The following SIRT1 variants were observed in gnomAD, a reference collection of about 807,000 sequenced individuals.
The protein encoded by SIRT1 is sirtuin 1.
Under a neutral mutation model 67.9 loss-of-function variants are expected in SIRT1, and 24 were observed. That is an observed-to-expected ratio of 0.35 (90% CI 0.26 to 0.50). SIRT1 has a LOEUF of 0.50. SIRT1 is among the 20% of genes least tolerant of loss of function. The probability of loss-of-function intolerance (pLI) is 0.98; values close to 1 mark genes in which losing one functional copy is unlikely to be tolerated. For missense variants in SIRT1, 873 were observed against 937.2 expected, an observed-to-expected ratio of 0.93 and a Z score of 0.89; for synonymous variants, 378 against 350.7, an observed-to-expected ratio of 1.08 and a Z score of -0.87.
Position 67,918,231 on chromosome 10 carries a change from T to G in SIRT1, c.*1638T>G, listed in dbSNP as rs202127568. On this transcript the variant is annotated 3_prime_UTR_variant, in exon 9 of 9. Transcript: ENST00000212015. ...AGACTGTTTTCAGCTCTTTTTATATTGTACATAGTCTTTTATGTAATTTAC... is the reference window on the plus strand; with the variant it reads ...AGACTGTTTTCAGCTCTTTTTATATGGTACATAGTCTTTTATGTAATTTAC... The G allele has an allele frequency of 6.6e-6, 1 of 152,670 alleles. No individual in the cohort carries two copies. The highest frequency in any genetic ancestry group is 1.5e-5 in the Non-Finnish European group (1 of 68,042). 9.5% of individuals were successfully genotyped at this position (152,670 alleles called of 1,614,324 possible).
In SIRT1 at chr10:67,888,669, C is replaced by G. The variant is rs76411081; in HGVS notation, c.548-213C>G. On this transcript the variant is annotated intron_variant, in intron 2 of 8. Coordinates refer to ENST00000212015, the MANE Select transcript of SIRT1 (RefSeq NM_012238.5). Reference sequence around the variant, plus strand: ...AGACTCTTGAAATATATACTTACAGCTGAAGGGGGTCTTCCCAACTCTTCA... The same window carrying G: ...AGACTCTTGAAATATATACTTACAGGTGAAGGGGGTCTTCCCAACTCTTCA... 2.0e-5 allele frequency among the ~76,000 whole-genome samples: 3 copies of G among 152,232 alleles called. No homozygotes were observed. The South Asian group carries it at 6.2e-4, about 32-fold the overall frequency.
At chr10:67,910,301 G>A (rs1842880016) in intron 7 of SIRT1, among the ~76,000 whole-genome samples, 2 of 152,148 alleles carry the variant, frequency 1.3e-5, no homozygotes, top group South Asian at 4.1e-4. Flanking sequence ...CTTGAACTCA[G>A]GAGGCAGAGG....
intron 1 of SIRT1, among the ~76,000 whole-genome samples, chr10:67,886,555 CAAAAAAA>C (rs34780303): frequency 1.0e-5 from 1 of 97,912 alleles, no homozygotes; most frequent in Non-Finnish European, 2.1e-5. Context: ...GACCCCGTCT[CAAAAAAA>C]AAAAAAAAAA....
chr10:67,889,729 G>C (rs745646624), intron 3 of SIRT1, among the ~76,000 whole-genome samples: 14 of 152,158 alleles, frequency 9.2e-5, no homozygotes, highest in Non-Finnish European at 2.1e-4. Context: ...CCTGTTTTCT[G>C]CCATTTCGAG....
intron 4 of SIRT1, among the ~76,000 whole-genome samples, chr10:67,897,901 G>A (rs79394695): frequency 1.3e-5 from 2 of 150,738 alleles, no homozygotes; most frequent in Admixed American, 6.6e-5. Flanking sequence ...AAAATGAGTG[G>A]TTGTATTTAG....
chr10:67,906,358 A>G, intron 4 of SIRT1: 1 of 1,463,860 alleles, frequency 6.8e-7, no homozygotes, highest in Non-Finnish European at 9.2e-7. Context: ...TCAAAAAAAA[A>G]TTTTAAATAT....
intron 1 of SIRT1, among the ~76,000 whole-genome samples, chr10:67,886,754 G>A (rs879760005): frequency 1.3e-5 from 2 of 151,740 alleles, no homozygotes; most frequent in African/African-American, 4.8e-5. Context: ...CATTGCCAAG[G>A]TTATATTTGA....
chr10:67,890,978 C>T (rs945173483), intron 3 of SIRT1, among the ~76,000 whole-genome samples: 23 of 147,642 alleles, frequency 1.6e-4, no homozygotes, highest in Admixed American at 1.5e-3. Flanking sequence ...TACAGTGAGC[C>T]GAGATCGCAC....
rs35671182 is a variant in SIRT1, at chr10:67,884,730, C to T, written c.9C>T (p.Asp3=). 3.3e-6 allele frequency: 4 copies of T among 1,228,872 alleles called. No individual in the cohort carries two copies. Among genetic ancestry groups the T allele is most frequent in the Admixed American group, 4.2e-5 (1 of 23,624 alleles). The allele number at this position is 1,228,872 out of a possible 1,614,324, so 76.1% of individuals were successfully genotyped here. A position where few individuals can be genotyped will look rare whatever the true frequency, so the allele number is the denominator to read the frequency against. MA[D]EAALALQPGG... is the part of the protein sequence containing the mutation. ...AGAGAGGCAGTTGGAAGATGGCGGA[C>T]GAGGCGGCCCTCGCCCTTCAGCCCG... The change falls in exon 1 of 9, where the codon GAC becomes GAT. Residue 3 remains aspartate (D), a synonymous_variant. Transcript: ENST00000212015.
At chr10:67,910,647 G>A (rs1312306860) in intron 7 of SIRT1, among the ~76,000 whole-genome samples, 1 of 152,108 alleles carries the variant, frequency 6.6e-6, no homozygotes. Flanking sequence ...GGAATTTGGG[G>A]GCTCAGAATG....
chr10:67,909,167 G>T, intron 6 of SIRT1, 89 bp from the exon 7 acceptor site: 1 of 797,470 alleles, frequency 1.3e-6, no homozygotes, highest in Non-Finnish European at 1.9e-6. Context: ...ATTCTGAAAT[G>T]TATTCTTAGA....
chr10:67,889,155 T>G (rs1842530536), intron 3 of SIRT1, 32 bp downstream of exon 3: 2 of 1,553,422 alleles, frequency 1.3e-6, no homozygotes. Context: ...GGAGGTCGTA[T>G]ATGTATTTTC....
intron 2 of SIRT1, 102 bp from the exon 3 acceptor site, chr10:67,888,780 T>C: frequency 7.4e-7 from 1 of 1,349,540 alleles, no homozygotes; most frequent in African/African-American, 1.5e-5. Context: ...TTTCTTACTT[T>C]GCAAAAAACC....
rs36062014 is a variant in SIRT1 at position 67,885,122 on chromosome 10, A to AGGCGGC, written c.412_417dup (p.Ala138_Ala139dup). On this transcript the variant is annotated inframe_insertion, in exon 1 of 9. Transcript: ENST00000212015. ...GACGACGAGGGCGAGGAGGAGGAAGAGGCGGCGGCGGCGGCGATTGGGTAC... is the reference window on the plus strand; with the variant it reads ...GACGACGAGGGCGAGGAGGAGGAAGAGGCGGCGGCGGCGGCGGCGGCGATTGGGTAC... The AGGCGGC allele has an allele frequency of 1.7e-5, 25 of 1,436,898 alleles. No individual in the cohort carries two copies. In the African/African-American group the frequency reaches 2.6e-4, roughly 15 times the overall value. The allele number at this position is 1,436,898 out of a possible 1,614,324, so 89.0% of individuals were successfully genotyped here. A position where few individuals can be genotyped will look rare whatever the true frequency, so the allele number is the denominator to read the frequency against.
rs116040871 is a variant in SIRT1, at chr10:67,912,722, G to A, written c.1606G>A (p.Glu536Lys). The A allele has an allele frequency of 2.6e-3, 4,275 of 1,614,120 alleles. 9 individuals carry two copies. The highest frequency in any genetic ancestry group is 3.2e-3 in the Non-Finnish European group (3,731 of 1,180,042). ...ELPPTPLHVS[E>K]DSSSPERTSP... ...GCCACCCACACCTCTTCATGTTTCA[G>A]AAGACTCAAGTTCACCAGAAAGAAC... Residue 536 changes from glutamate to lysine, a missense_variant, in exon 8 of 9, where the codon GAA becomes AAA. Around this residue, in one of 3 missense-constraint regions of SIRT1, gnomAD observed 295 missense variants for 294.5 expected, o/e 1.00. Transcript: ENST00000212015.
At chr10:67,887,721 C>T (rs763497413) in intron 2 of SIRT1, among the ~76,000 whole-genome samples, 188 bp downstream of exon 2, 5 of 152,216 alleles carry the variant, frequency 3.3e-5, no homozygotes, top group Admixed American at 6.5e-5. Flanking sequence ...GGATTACATG[C>T]ATATGCCACT....
At chr10:67,889,196 C>G (rs754729290) in intron 3 of SIRT1, 73 bp downstream of exon 3, 28 of 1,474,444 alleles carry the variant, frequency 1.9e-5, no homozygotes, top group Non-Finnish European at 2.5e-5. Flanking sequence ...AAACATTTTT[C>G]TGGTTTAGAA....
Position 67,916,694 on chromosome 10 carries a change from A to C in SIRT1, c.*101A>C. On this transcript the variant is annotated 3_prime_UTR_variant, in exon 9 of 9. Transcript: ENST00000212015. ...GTGAACTCGATAGAGCAAGGAAACC[A>C]GAAAGGTGTAATATTTATAGGTTGG... 3.4e-6 allele frequency: 3 copies of C among 885,836 alleles called. No individual in the cohort carries two copies. Among genetic ancestry groups the C allele is most frequent in the South Asian group, 2.0e-5 (1 of 50,866 alleles). The allele number at this position is 885,836 out of a possible 1,614,324, so 54.9% of individuals were successfully genotyped here.
At chr10:67,886,859 C>CT (rs34918788) in intron 1 of SIRT1, among the ~76,000 whole-genome samples, 16,320 of 143,772 alleles carry the variant, frequency 0.11, 895 homozygotes, top group South Asian at 0.15. Flanking sequence ...ATTATCTTTT[C>CT]TTTTTTTTTT....
Sources: allele counts gnomAD v4.1 joint callset (sites outside exome capture counted in the v4.1 genomes callset), GRCh38; gene constraint gnomAD v4.1.1; regional missense constraint gnomAD v4.1.1; transcripts MANE v1.5; gene names NCBI Gene and HGNC (gene_info 2026-07-23, HGNC 2026-07-21).